CPS1: variants seen among roughly 807,000 people sequenced by gnomAD.
CPS1 encodes the protein carbamoyl-phosphate synthase [ammonia], mitochondrial.
Under a neutral mutation model 174.6 loss-of-function variants are expected in CPS1, and 109 were observed. The ratio of observed to expected loss-of-function variants is 0.62; its 90% confidence interval spans 0.53 to 0.73. The LOEUF is 0.73. Ranked by LOEUF, CPS1 falls within the 30% of genes least tolerant of loss-of-function variation. CPS1 has a pLI of 0.00. For missense variants in CPS1, 1,689 were observed against 1,821.9 expected (o/e 0.93, Z 1.33); for synonymous variants, 637 against 632.0 (o/e 1.01, Z -0.12).
At chr2:210,552,491 A>G (rs919605168), upstream of CPS1, among the ~76,000 whole-genome samples, 1 of 151,984 alleles carries the variant, frequency 6.6e-6, no homozygotes, top group Non-Finnish European at 1.5e-5. Context: ...AACTTCTTAG[A>G]GTTGTTTCTG....
intron 1 of CPS1, among the ~76,000 whole-genome samples, chr2:210,518,169 C>A (rs1246428243): frequency 6.6e-6 from 1 of 151,996 alleles, no homozygotes; most frequent in Non-Finnish European, 1.5e-5. Context: ...AAGGTACCAA[C>A]TATTGTGAGT....
At chr2:210,513,192 C>T (rs1193542972) in intron 1 of CPS1, among the ~76,000 whole-genome samples, 2 of 148,892 alleles carry the variant, frequency 1.3e-5, no homozygotes, top group Non-Finnish European at 3.0e-5. Context: ...ATCTCTCTCT[C>T]TCCATAATGG....
chr2:210,613,216 T>C (rs1574593374), intron 20 of CPS1, among the ~76,000 whole-genome samples: 2 of 152,060 alleles, frequency 1.3e-5, no homozygotes, highest in African/African-American at 2.4e-5. Context: ...AAAAATGTTG[T>C]TAGTGATTTT....
At chr2:210,517,524 A>G (rs1329385170) in intron 1 of CPS1, among the ~76,000 whole-genome samples, 1 of 151,976 alleles carries the variant, frequency 6.6e-6, no homozygotes, top group Non-Finnish European at 1.5e-5. Context: ...CCCCACCTTG[A>G]ATCGAGGGAA....
At chr2:210,658,578 C>A in intron 30 of CPS1, 21 bp from the exon 31 acceptor site, 1 of 1,602,980 alleles carries the variant, frequency 6.2e-7, no homozygotes, top group Non-Finnish European at 8.5e-7. Flanking sequence ...GCACACTATA[C>A]GATTATGCTT....
rs1366013470 is a variant in CPS1 at position 210,639,805 on chromosome 2, C to T, written c.2896-191C>T. Among the ~76,000 whole-genome samples the T allele has an allele frequency of 2.0e-5, 3 of 151,894 alleles. No individual in the cohort carries two copies. In the East Asian group the frequency reaches 5.8e-4, roughly 29 times the overall value. On this transcript the variant is annotated intron_variant, in intron 23 of 37. Coordinates refer to ENST00000233072, the MANE Select transcript of CPS1 (RefSeq NM_001875.5). ...GACTATTTAATTTAAAAAATTCTGC[C>T]ATATCTATTTTTTATAAATAAGTAG...
chr2:210,533,040 A>G (rs534403947), intron 1 of CPS1, among the ~76,000 whole-genome samples: 2 of 152,276 alleles, frequency 1.3e-5, no homozygotes, highest in African/African-American at 4.8e-5. Context: ...AATGTGGGGA[A>G]GAGCAACGGT....
In CPS1 at chr2:210,590,123, CT is replaced by C. The variant is rs778346264; in HGVS notation, c.731del (p.Leu244Ter). 1 of 1,612,682 alleles carries C rather than the reference CT, an allele frequency of 6.2e-7. No individual in the cohort carries two copies. The highest frequency in any genetic ancestry group is 8.5e-7 in the Non-Finnish European group (1 of 1,179,128). ...TTTTCCAGCGAGGAGCTGAAGTGCACTTAGTTCCCTGGAACCATGATTTCAC... is the reference window on the plus strand; with the variant it reads ...TTTTCCAGCGAGGAGCTGAAGTGCACTAGTTCCCTGGAACCATGATTTCAC... ...LLVKRGAEVH[L>X]VPWNHDFTKM... is the part of the protein sequence containing the mutation. On this transcript the variant is annotated frameshift_variant, in exon 8 of 38. Transcript: ENST00000233072. LOFTEE classifies it high-confidence loss of function.
intron 1 of CPS1, among the ~76,000 whole-genome samples, chr2:210,536,680 C>T (rs1696263510): frequency 6.6e-6 from 1 of 152,044 alleles, no homozygotes; most frequent in South Asian, 2.1e-4. Context: ...CCAAATTGAG[C>T]TAGTAGATCT....
At chr2:210,539,409 G>T (rs2106010930) in intron 1 of CPS1, among the ~76,000 whole-genome samples, 1 of 152,168 alleles carries the variant, frequency 6.6e-6, no homozygotes, top group South Asian at 2.1e-4. Flanking sequence ...AGTTTCAAAT[G>T]TACAAAAAAG....
chr2:210,647,986 C>T lies in CPS1; in HGVS notation c.3265C>T (p.Arg1089Cys), dbSNP rs1392559810. The change falls in exon 26 of 38, where the codon CGC (arginine) becomes TGC (cysteine). Residue 1089 changes from arginine to cysteine, a missense_variant. Transcript: ENST00000233072. ...CCTGCAGATCGACAGGGCTGAGGAT[C>T]GCTCCATCTTCTCAGCTGTCTTGGA... ...SPLQIDRAED[R>C]SIFSAVLDEL... The T allele has an allele frequency of 4.3e-6, 7 of 1,613,888 alleles. No individual in the cohort carries two copies. Among genetic ancestry groups the T allele is most frequent in the Middle Eastern group, 1.6e-4 (1 of 6,074 alleles).
chr2:210,668,737 T>C (rs1701190941), intron 34 of CPS1, among the ~76,000 whole-genome samples: 1 of 152,138 alleles, frequency 6.6e-6, no homozygotes, highest in Non-Finnish European at 1.5e-5. Context: ...TACCTACTCT[T>C]CTATCTATAG....
At chr2:210,666,154 C>G (rs1701088693) in intron 33 of CPS1, among the ~76,000 whole-genome samples, 1 of 151,938 alleles carries the variant, frequency 6.6e-6, no homozygotes, top group Admixed American at 6.6e-5. Flanking sequence ...ATATCCTTTG[C>G]TCACTTTTTG....
chr2:210,614,338 C>T (rs34484159), intron 20 of CPS1, among the ~76,000 whole-genome samples: 1,633 of 151,720 alleles, frequency 0.011, 15 homozygotes, highest in Non-Finnish European at 0.017. Flanking sequence ...TTTGGTATTA[C>T]GAATAGTGCT....
intron 1 of CPS1, among the ~76,000 whole-genome samples, chr2:210,510,058 C>T (rs553758385): frequency 3.3e-4 from 50 of 152,070 alleles, no homozygotes; most frequent in African/African-American, 1.1e-3. Flanking sequence ...AAAAAGAGCC[C>T]GCATCGCCAA....
At position 210,647,982 on chromosome 2, in the gene CPS1, G is replaced by A. The variant is rs1201220940; in HGVS notation, c.3261G>A (p.Glu1087=). 1.9e-6 allele frequency: 3 copies of A among 1,614,048 alleles called. No individual in the cohort carries two copies. Among genetic ancestry groups the A allele is most frequent in the Admixed American group, 1.7e-5 (1 of 60,006 alleles). The change falls in exon 26 of 38, where the codon GAG becomes GAA. Residue 1087 remains glutamate (E), a synonymous_variant. Coordinates refer to ENST00000233072, the MANE Select transcript of CPS1 (RefSeq NM_001875.5). ...GCCCCCTGCAGATCGACAGGGCTGA[G>A]GATCGCTCCATCTTCTCAGCTGTCT... ...GTSPLQIDRA[E]DRSIFSAVLD...
rs1285764134 is a variant in CPS1 at position 210,594,519 on chromosome 2, T to C, written c.1176T>C (p.Asp392=). The C allele has an allele frequency of 6.2e-7, 1 of 1,610,304 alleles. No homozygotes were observed. The highest frequency in any genetic ancestry group is 2.2e-5 in the East Asian group (1 of 44,656). The change falls in exon 12 of 38, where the codon GAT becomes GAC. Residue 392 remains aspartate (D), a synonymous_variant. Transcript: ENST00000233072. ...PGPIDTEYLF[D]SFFSLIKKGK... The stretch of plus-strand genomic sequence containing the variant: ...GTATTTTTTTCTAGTACCTGTTTGA[T>C]TCCTTTTTCTCACTGATAAAGAAAG...
chr2:210,573,165 G>A, intron 1 of CPS1, 133 bp from the exon 2 acceptor site: 1 of 782,338 alleles, frequency 1.3e-6, no homozygotes, highest in Admixed American at 1.9e-5. Context: ...GAAAGCAACT[G>A]GAAATCTGGG....
At chr2:210,616,130 T>C (rs183075310) in intron 20 of CPS1, among the ~76,000 whole-genome samples, 2 of 152,138 alleles carry the variant, frequency 1.3e-5, no homozygotes, top group Admixed American at 6.6e-5. Context: ...TAGGGTATAA[T>C]GGGTAACACA....
Sources: gnomAD v4.1 joint callset for allele counts (sites outside exome capture counted in the v4.1 genomes callset) on GRCh38, gnomAD v4.1.1 for gene constraint, MANE v1.5 for transcripts, NCBI Gene and HGNC (gene_info 2026-07-23, HGNC 2026-07-21) for gene names.